KCNIP4: variants seen among roughly 807,000 people sequenced by gnomAD.
The protein encoded by KCNIP4 is potassium voltage-gated channel interacting protein 4, also known as Kv channel-interacting protein 4.
Under a neutral mutation model 34.0 loss-of-function variants are expected in KCNIP4, and 12 were observed. That is an observed-to-expected ratio of 0.35 (90% CI 0.23 to 0.57). The LOEUF (loss-of-function observed/expected upper bound fraction) is 0.57, where lower values mean the gene tolerates loss of function less well. Among genes scored for constraint, KCNIP4 ranks in the 20% least tolerant of loss-of-function variants. The pLI is 0.83. For missense variants in KCNIP4, 238 were observed against 311.7 expected (o/e 0.76, Z 1.78); for synonymous variants, 124 against 102.2 (o/e 1.21, Z -1.29).
intron 1 of KCNIP4, among the ~76,000 whole-genome samples, chr4:20,985,475 T>C (rs1176112052): frequency 6.6e-6 from 1 of 152,114 alleles, no homozygotes; most frequent in Admixed American, 6.6e-5. Flanking sequence ...TTTAACTTTG[T>C]AGGTGAGGAA....
intron 1 of KCNIP4, among the ~76,000 whole-genome samples, chr4:21,571,567 T>C (rs912206605): frequency 6.6e-6 from 1 of 152,138 alleles, no homozygotes; most frequent in African/African-American, 2.4e-5. Flanking sequence ...ATTATGCAAG[T>C]GTTAACTGAG....
intron 1 of KCNIP4, among the ~76,000 whole-genome samples, chr4:21,901,675 TTAC>T (rs1268155581): frequency 2.0e-5 from 3 of 152,176 alleles, no homozygotes; most frequent in Non-Finnish European, 4.4e-5. Flanking sequence ...AATGCATTAA[TTAC>T]TACAAGTTAA....
chr4:21,353,559 T>G (rs1718247170), intron 1 of KCNIP4, among the ~76,000 whole-genome samples: 1 of 152,022 alleles, frequency 6.6e-6, no homozygotes, highest in South Asian at 2.1e-4. Context: ...TGATTGAATA[T>G]CAAATTAATG....
chr4:21,289,147 G>T (rs554645759), intron 1 of KCNIP4, among the ~76,000 whole-genome samples: 2 of 152,030 alleles, frequency 1.3e-5, no homozygotes, highest in Admixed American at 1.3e-4. Context: ...ACCATAGCAT[G>T]TTTTTATTAA....
intron 1 of KCNIP4, among the ~76,000 whole-genome samples, chr4:21,679,751 A>T (rs1750199387): frequency 6.6e-6 from 1 of 152,190 alleles, no homozygotes; most frequent in Non-Finnish European, 1.5e-5. Context: ...AGTCATACAA[A>T]TTTCTTGGCT....
At chr4:21,541,641 A>ATTTCT (rs1308543977) in intron 1 of KCNIP4, among the ~76,000 whole-genome samples, 4 of 151,918 alleles carry the variant, frequency 2.6e-5, no homozygotes, top group South Asian at 2.1e-4. Flanking sequence ...CTTTCTATTT[A>ATTTCT]TTTCTTTTCT....
intron 1 of KCNIP4, among the ~76,000 whole-genome samples, chr4:21,099,626 G>A (rs12499220): frequency 0.13 from 20,419 of 151,890 alleles, 2,112 homozygotes; most frequent in African/African-American, 0.29. Context: ...AAAAGTTGAG[G>A]GGAACAAAAG....
chr4:21,317,547 T>C (rs1250741430), intron 1 of KCNIP4, among the ~76,000 whole-genome samples: 1 of 152,134 alleles, frequency 6.6e-6, no homozygotes, highest in African/African-American at 2.4e-5. Context: ...ATTATACATA[T>C]AAGGTGACAA....
Position 21,060,542 on chromosome 4 carries a change from T to A in KCNIP4, c.62-177833A>T, listed in dbSNP as rs1383635878. Among the ~76,000 whole-genome samples the A allele has an allele frequency of 5.3e-5, 8 of 152,210 alleles. No individual in the cohort carries two copies. The East Asian group carries it at 1.3e-3, about 26-fold the overall frequency. ...TTTCACAAACACCTGTGCTTCCTTT[T>A]CAAGTGCAGAGTAATACTAGGCAGT... On this transcript the variant is annotated intron_variant, in intron 1 of 8. Transcript: ENST00000382152.
At chr4:20,933,727 C>T (rs12647761) in intron 1 of KCNIP4, among the ~76,000 whole-genome samples, 20,261 of 142,292 alleles carry the variant, frequency 0.14, 1,902 homozygotes, top group African/African-American at 0.29. Flanking sequence ...TTAGATACCA[C>T]GTCTAGCTGA....
At chr4:21,446,016 G>C (rs1444999452) in intron 1 of KCNIP4, among the ~76,000 whole-genome samples, 1 of 152,152 alleles carries the variant, frequency 6.6e-6, no homozygotes, top group East Asian at 1.9e-4. Flanking sequence ...AACAGACACA[G>C]GAAAAAATGC....
At chr4:21,650,821 G>A (rs377714980) in intron 1 of KCNIP4, among the ~76,000 whole-genome samples, 1 of 152,262 alleles carries the variant, frequency 6.6e-6, no homozygotes, top group East Asian at 1.9e-4. Flanking sequence ...TCTGGAGTTT[G>A]GGGGTCCTCT....
chr4:21,752,701 C>T (rs1281988301), intron 1 of KCNIP4, among the ~76,000 whole-genome samples: 3 of 152,048 alleles, frequency 2.0e-5, no homozygotes, highest in African/African-American at 4.8e-5. Context: ...GTAAATAATC[C>T]CAAACCAAGT....
chr4:20,989,311 A>G (rs1736873833), intron 1 of KCNIP4, among the ~76,000 whole-genome samples: 1 of 152,200 alleles, frequency 6.6e-6, no homozygotes, highest in Non-Finnish European at 1.5e-5. Flanking sequence ...TCATTTAAAG[A>G]TAAAATAATA....
intron 1 of KCNIP4, among the ~76,000 whole-genome samples, chr4:21,659,478 G>T (rs568439391): frequency 1.2e-4 from 18 of 152,022 alleles, no homozygotes; most frequent in African/African-American, 3.9e-4. Context: ...CAACCTCTTA[G>T]CCTGGTAGTC....
chr4:21,869,783 TAGAC>T (rs1278922960), intron 1 of KCNIP4, among the ~76,000 whole-genome samples: 21 of 143,876 alleles, frequency 1.5e-4, no homozygotes, highest in East Asian at 6.3e-4. Context: ...GATAGATAGA[TAGAC>T]AGACAGACAG....
At chr4:21,278,424 C>A (rs1488965660) in intron 1 of KCNIP4, among the ~76,000 whole-genome samples, 2 of 152,100 alleles carry the variant, frequency 1.3e-5, no homozygotes, top group Non-Finnish European at 2.9e-5. Context: ...CATCACTTAG[C>A]ATCTATTTAT....
intron 1 of KCNIP4, among the ~76,000 whole-genome samples, chr4:21,633,367 T>C (rs1188591664): frequency 6.6e-6 from 1 of 152,146 alleles, no homozygotes; most frequent in Admixed American, 6.6e-5. Flanking sequence ...TTCTAGTTGA[T>C]GGGATGTTAG....
chr4:20,823,517 G>T (rs1013394505), intron 3 of KCNIP4, among the ~76,000 whole-genome samples: 1 of 152,018 alleles, frequency 6.6e-6, no homozygotes, highest in Non-Finnish European at 1.5e-5. Context: ...GGTCATGAGG[G>T]TGTAGCCCTC....
Sources: gnomAD v4.1 joint callset for allele counts (sites outside exome capture counted in the v4.1 genomes callset) on GRCh38, gnomAD v4.1.1 for gene constraint, MANE v1.5 for transcripts, NCBI Gene and HGNC (gene_info 2026-07-23, HGNC 2026-07-21) for gene names.